NSD3: variants seen among roughly 807,000 people sequenced by gnomAD.
The protein encoded by NSD3 is histone-lysine N-methyltransferase NSD3.
NSD3 carries 24 observed loss-of-function variants against 160.8 expected under a neutral mutation model. The ratio of observed to expected loss-of-function variants is 0.15; its 90% CI spans 0.11 to 0.21. The LOEUF is 0.21. Among genes scored for constraint, NSD3 ranks in the 10% least tolerant of loss-of-function variants. The pLI is 1.00. For synonymous variants in NSD3, 520 were observed against 600.0 expected (o/e 0.87, Z 1.95); for missense variants, 1,157 against 1,735.9 (o/e 0.67, Z 5.93).
At chr8:38,297,980 C>T (rs968684260) in intron 15 of NSD3, among the ~76,000 whole-genome samples, 5 of 151,932 alleles carry the variant, frequency 3.3e-5, no homozygotes, top group African/African-American at 1.2e-4. Flanking sequence ...AGAGGAAATA[C>T]AGAGCCAGAA....
At position 38,316,093 on chromosome 8, in the gene NSD3, T is replaced by G. The variant is rs747519902; in HGVS notation, c.1856-51A>C. The G allele has an allele frequency of 6.3e-7, 1 of 1,594,638 alleles. No individual in the cohort carries two copies. Among genetic ancestry groups the G allele is most frequent in the East Asian group, 2.2e-5 (1 of 44,616 alleles). On this transcript the variant is annotated intron_variant, in intron 9 of 23. Transcript: ENST00000317025. This position sits in a 1 kb window ranked among gnomAD's most constrained non-coding sequence, Gnocchi z 4.5. The stretch of plus-strand genomic sequence containing the variant: ...CCTAAAATAGTACTTAAGGTTTGTT[T>G]TAATTTTTTTGTGTGTGGGAGAATA...
chr8:38,352,377 G>A (rs1810723885), intron 1 of NSD3, among the ~76,000 whole-genome samples: 1 of 151,984 alleles, frequency 6.6e-6, no homozygotes, highest in South Asian at 2.1e-4. Context: ...GGGTGGGAGG[G>A]ATCCAGAGCG....
intron 5 of NSD3, among the ~76,000 whole-genome samples, chr8:38,330,675 T>C (rs1263792488): frequency 6.6e-6 from 1 of 152,258 alleles, no homozygotes; most frequent in Non-Finnish European, 1.5e-5. Context: ...GTAAGTCTCA[T>C]AAAATTAATC....
chr8:38,380,262 G>C (rs1173676079), intron 1 of NSD3, among the ~76,000 whole-genome samples: 1 of 152,184 alleles, frequency 6.6e-6, no homozygotes, highest in African/African-American at 2.4e-5. Flanking sequence ...AGAGCTATCA[G>C]AAATACTATT....
rs533559216 is a variant in NSD3, at chr8:38,363,451, T to C, written c.-44-15236A>G. 2.0e-3 allele frequency among the ~76,000 whole-genome samples: 301 copies of C among 152,056 alleles called. 1 individual carries two copies. Among genetic ancestry groups the C allele is most frequent in the African/African-American group, 7.1e-3 (295 of 41,468 alleles). On this transcript the variant is annotated intron_variant, in intron 1 of 23. Transcript: ENST00000317025. ...TGAGGTCAGGACTTCGAGAGCAGCC[T>C]GGCCAACATGGTGAGACTCTTGTCT...
chr8:38,341,704 G>A (rs1810371429), intron 2 of NSD3, among the ~76,000 whole-genome samples: 1 of 152,050 alleles, frequency 6.6e-6, no homozygotes, highest in South Asian at 2.1e-4. Context: ...ATAATCCCAG[G>A]ACTTTGAGAG....
At chr8:38,296,159 G>A (rs1268700609) in intron 15 of NSD3, among the ~76,000 whole-genome samples, 5 of 152,154 alleles carry the variant, frequency 3.3e-5, no homozygotes, top group Non-Finnish European at 7.3e-5. Context: ...CAGAAACTCA[G>A]AGCTTCTGAG....
chr8:38,375,166 T>C (rs1280007427), intron 1 of NSD3, among the ~76,000 whole-genome samples: 1 of 152,156 alleles, frequency 6.6e-6, no homozygotes, highest in Non-Finnish European at 1.5e-5. Flanking sequence ...ATGCTACACA[T>C]GGCTAAAACT....
At chr8:38,326,287 G>C (rs1310693802) in intron 7 of NSD3, among the ~76,000 whole-genome samples, 1 of 152,202 alleles carries the variant, frequency 6.6e-6, no homozygotes, top group Non-Finnish European at 1.5e-5. Flanking sequence ...GGACAATTAG[G>C]CTCTAGGCCC....
intron 1 of NSD3, among the ~76,000 whole-genome samples, chr8:38,368,220 A>G (rs753391166): frequency 9.9e-5 from 15 of 152,196 alleles, no homozygotes; most frequent in Non-Finnish European, 1.6e-4. Flanking sequence ...TTGGCCTCCC[A>G]AAGTGTTGGG....
chr8:38,306,618 G>T (rs956945154), intron 12 of NSD3, among the ~76,000 whole-genome samples: 1 of 151,974 alleles, frequency 6.6e-6, no homozygotes. Flanking sequence ...TGGAGAAAAC[G>T]CACACAACAT....
At chr8:38,303,411 A>C (rs1292427141) in intron 14 of NSD3, 4 of 985,410 alleles carry the variant, frequency 4.1e-6, no homozygotes, top group African/African-American at 3.5e-5. Context: ...GTAGTTAAGA[A>C]AGACACAGTA....
At chr8:38,378,716 G>A (rs1046154024) in intron 1 of NSD3, among the ~76,000 whole-genome samples, 3 of 151,754 alleles carry the variant, frequency 2.0e-5, no homozygotes, top group East Asian at 1.9e-4. Flanking sequence ...CCAGCTACTC[G>A]GGAGGCTAAG....
At chr8:38,354,743 CAA>C (rs951128339) in intron 1 of NSD3, among the ~76,000 whole-genome samples, 1 of 150,858 alleles carries the variant, frequency 6.6e-6, no homozygotes, top group African/African-American at 2.4e-5. Flanking sequence ...AAAAAAAAAA[CAA>C]ATGATTTGGC....
At chr8:38,352,432 T>C (rs1031734256) in intron 1 of NSD3, among the ~76,000 whole-genome samples, 1 of 152,194 alleles carries the variant, frequency 6.6e-6, no homozygotes, top group Non-Finnish European at 1.5e-5. Context: ...ACTTTACACA[T>C]CAGCTCATTT....
chr8:38,293,922 CAAAAAAAAA>C (rs11290856), intron 16 of NSD3, among the ~76,000 whole-genome samples: 1 of 49,932 alleles, frequency 2.0e-5, no homozygotes, highest in Non-Finnish European at 3.2e-5. Context: ...GACTCCGTCT[CAAAAAAAAA>C]AAAAAAAAAA....
intron 19 of NSD3, among the ~76,000 whole-genome samples, chr8:38,285,333 A>G (rs916880735): frequency 2.6e-5 from 4 of 152,242 alleles, no homozygotes; most frequent in Non-Finnish European, 4.4e-5. Context: ...CATTTTCAGG[A>G]ATCTGTTCTG....
intron 16 of NSD3, among the ~76,000 whole-genome samples, chr8:38,294,654 T>A (rs145139058): frequency 1.7e-3 from 256 of 152,156 alleles, no homozygotes; most frequent in African/African-American, 5.8e-3. Flanking sequence ...AAATCAGAAA[T>A]CAACATATAT....
chr8:38,354,385 T>C (rs1182083232), intron 1 of NSD3, among the ~76,000 whole-genome samples: 1 of 152,230 alleles, frequency 6.6e-6, no homozygotes, highest in Non-Finnish European at 1.5e-5. Context: ...AATCCTGGAT[T>C]TAAATACACA....
Sources: gnomAD v4.1 joint callset for allele counts (sites outside exome capture counted in the v4.1 genomes callset) on GRCh38, gnomAD v4.1.1 for gene constraint, Gnocchi (gnomAD v3.1) non-coding constraint, MANE v1.5 for transcripts, NCBI Gene and HGNC (gene_info 2026-07-23, HGNC 2026-07-21) for gene names.